Variants in GRM8 observed in about 807,000 individuals in gnomAD.
GRM8 encodes metabotropic glutamate receptor 8.
GRM8 carries 47 observed loss-of-function variants against 87.2 expected under a neutral mutation model. That is an observed-to-expected ratio of 0.54 (90% CI 0.43 to 0.69). The LOEUF (loss-of-function observed/expected upper bound fraction) is 0.69, where lower values mean the gene tolerates loss of function less well. Ranked by LOEUF, GRM8 falls within the 30% of genes least tolerant of loss-of-function variation. The probability of loss-of-function intolerance (pLI) is 0.00; values close to 1 mark genes in which losing one functional copy is unlikely to be tolerated. For synonymous variants in GRM8, 396 were observed against 404.5 expected, an observed-to-expected ratio of 0.98 and a Z score of 0.25; for missense variants, 1,019 against 1,139.2, an observed-to-expected ratio of 0.89 and a Z score of 1.52.
intron 7 of GRM8, among the ~76,000 whole-genome samples, chr7:126,765,107 C>T (rs10263498): frequency 0.48 from 72,837 of 151,632 alleles, 18,182 homozygotes; most frequent in African/African-American, 0.58. Context: ...TTCCAAGAAG[C>T]TGACATTGAG....
At chr7:126,682,256 G>C (rs912239506) in intron 7 of GRM8, among the ~76,000 whole-genome samples, 1 of 152,128 alleles carries the variant, frequency 6.6e-6, no homozygotes, top group African/African-American at 2.4e-5. Flanking sequence ...CACACAATAG[G>C]CACTCTCTAA....
intron 2 of GRM8, among the ~76,000 whole-genome samples, chr7:127,226,455 C>T (rs1243185052): frequency 6.6e-6 from 1 of 152,164 alleles, no homozygotes; most frequent in Non-Finnish European, 1.5e-5. Flanking sequence ...GAGTTCTGAT[C>T]TGTACCTGAG....
At chr7:126,917,164 T>A (rs1318029251) in intron 3 of GRM8, among the ~76,000 whole-genome samples, 36 of 152,132 alleles carry the variant, frequency 2.4e-4, no homozygotes, top group Admixed American at 2.4e-3. Flanking sequence ...TTTGTGGAGA[T>A]AGGGGTCTTG....
At chr7:127,206,190 G>A (rs1795902502) in intron 2 of GRM8, among the ~76,000 whole-genome samples, 1 of 152,180 alleles carries the variant, frequency 6.6e-6, no homozygotes, top group Non-Finnish European at 1.5e-5. Flanking sequence ...AGCTCTTGTG[G>A]GTGAGGTACA....
intron 6 of GRM8, among the ~76,000 whole-genome samples, chr7:126,773,919 T>C (rs896340068): frequency 6.6e-6 from 1 of 152,184 alleles, no homozygotes; most frequent in African/African-American, 2.4e-5. Context: ...AGAAACATAT[T>C]TAAAATTGTA....
chr7:126,906,811 G>A (rs1802720119), intron 3 of GRM8, among the ~76,000 whole-genome samples: 1 of 152,156 alleles, frequency 6.6e-6, no homozygotes, highest in Non-Finnish European at 1.5e-5. Context: ...CATCCCAGGG[G>A]TGGGAATTGC....
intron 6 of GRM8, among the ~76,000 whole-genome samples, chr7:126,792,379 T>G (rs914538356): frequency 2.0e-5 from 3 of 152,190 alleles, no homozygotes; most frequent in Non-Finnish European, 4.4e-5. Context: ...GTCAGGAAAC[T>G]TATTAGAAAA....
intron 3 of GRM8, among the ~76,000 whole-genome samples, chr7:127,047,607 T>C (rs530009979): frequency 6.6e-6 from 1 of 152,170 alleles, no homozygotes; most frequent in East Asian, 1.9e-4. Flanking sequence ...GGCAGGAGTA[T>C]CAGATTGAGC....
intron 8 of GRM8, among the ~76,000 whole-genome samples, chr7:126,588,251 G>T (rs998685618): frequency 6.6e-6 from 1 of 152,136 alleles, no homozygotes; most frequent in South Asian, 2.1e-4. Context: ...TGAAGTCTTG[G>T]ATACTCAGTA....
chr7:126,510,158 G>GCCAA, intron 9 of GRM8, among the ~76,000 whole-genome samples: 1 of 152,036 alleles, frequency 6.6e-6, no homozygotes, highest in East Asian at 1.9e-4. Context: ...ATTTCTTTTG[G>GCCAA]CAGAAAGAAG....
chr7:126,817,601 T>C (rs1793910382), intron 6 of GRM8, among the ~76,000 whole-genome samples: 1 of 152,166 alleles, frequency 6.6e-6, no homozygotes, highest in Non-Finnish European at 1.5e-5. Context: ...AAGTATCCTG[T>C]AGGTTGCATA....
At chr7:126,729,865 C>T (rs1433255823) in intron 7 of GRM8, among the ~76,000 whole-genome samples, 3 of 152,098 alleles carry the variant, frequency 2.0e-5, no homozygotes, top group African/African-American at 7.2e-5. Flanking sequence ...GAGGAATGGA[C>T]ATCAGATTGT....
Position 126,707,133 on chromosome 7 carries a change from ATC to A in GRM8, c.1357+62730_1357+62731del, listed in dbSNP as rs1810608853. ...AGCCTGGGCAACATGGCAAAACCCTATCTCTATTTTTTTTTAAATGTCTAATG... is the reference window on the plus strand; with the variant it reads ...AGCCTGGGCAACATGGCAAAACCCTATCTATTTTTTTTTAAATGTCTAATG... On this transcript the variant is annotated intron_variant, in intron 7 of 10. Coordinates refer to ENST00000339582, the MANE Select transcript of GRM8 (RefSeq NM_000845.3). 2.0e-5 allele frequency among the ~76,000 whole-genome samples: 3 copies of A among 152,116 alleles called. No individual in the cohort carries two copies. The South Asian group carries it at 6.2e-4, about 32-fold the overall frequency.
chr7:126,533,647 A>G lies in GRM8; in HGVS notation c.1735T>C (p.Trp579Arg), dbSNP rs952486655. 1 of 1,613,844 alleles carries G rather than the reference A, an allele frequency of 6.2e-7. No homozygotes were observed. Among genetic ancestry groups the G allele is most frequent in the East Asian group, 2.2e-5 (1 of 44,844 alleles). ...CQLIPIIKLE[W>R]HSPWAVVPVF... ...GGCACCACAGCCCAGGGAGAATGCC[A>G]CTCCAATTTGATGATGGGGATAAGC... The change falls in exon 9 of 11, where the codon TGG becomes CGG. Residue 579 changes from tryptophan (W) to arginine (R), a missense_variant. Trp to Arg is a moderately radical substitution (Grantham distance 101, BLOSUM62 -3). Coordinates refer to ENST00000339582, the MANE Select transcript of GRM8 (RefSeq NM_000845.3).
At chr7:126,740,354 T>C (rs1814806790) in intron 7 of GRM8, among the ~76,000 whole-genome samples, 1 of 152,098 alleles carries the variant, frequency 6.6e-6, no homozygotes, top group Admixed American at 6.6e-5. Flanking sequence ...GGAGATAACT[T>C]GTATCAAGTC....
At position 127,232,584 on chromosome 7, in the gene GRM8, T is replaced by A. The variant is rs1587343266; in HGVS notation, c.510+10111A>T. Among the ~76,000 whole-genome samples, 8 of 152,232 alleles carry A rather than the reference T, an allele frequency of 5.3e-5. 2 individuals carry two copies. Among genetic ancestry groups the A allele is most frequent in the Admixed American group, 5.2e-4 (8 of 15,292 alleles). ...TGTTTCTTGACCAATGACTATACCT[T>A]TAATGCTAATCTGCCTTTGTTCACA... On this transcript the variant is annotated intron_variant, in intron 2 of 10. Coordinates refer to ENST00000339582, the MANE Select transcript of GRM8 (RefSeq NM_000845.3).
chr7:126,996,781 C>T (rs1370923839), intron 3 of GRM8, among the ~76,000 whole-genome samples: 3 of 151,848 alleles, frequency 2.0e-5, no homozygotes, highest in Admixed American at 2.0e-4. Flanking sequence ...CTTGAACACC[C>T]AGATATATAA....
chr7:126,740,607 C>T (rs1172358185), intron 7 of GRM8, among the ~76,000 whole-genome samples: 1 of 152,136 alleles, frequency 6.6e-6, no homozygotes, highest in African/African-American at 2.4e-5. Context: ...CCTTCCCTGA[C>T]CTTGAACAAA....
chr7:126,720,356 GT>G (rs998580133), intron 7 of GRM8, among the ~76,000 whole-genome samples: 2 of 151,890 alleles, frequency 1.3e-5, no homozygotes, highest in African/African-American at 4.8e-5. Flanking sequence ...GGCCCAGGCT[GT>G]TCTCAAAGTC....
Sources: allele counts gnomAD v4.1 joint callset (sites outside exome capture counted in the v4.1 genomes callset), GRCh38; gene constraint gnomAD v4.1.1; transcripts MANE v1.5; gene names NCBI Gene and HGNC (gene_info 2026-07-23, HGNC 2026-07-21).